Variants in GALNT2 observed in about 807,000 individuals in gnomAD.
GALNT2 encodes the protein polypeptide N-acetylgalactosaminyltransferase 2, also known as UDP-GalNAc:polypeptide N-acetylgalactosaminyltransferase 2.
Under a neutral mutation model 81.4 loss-of-function variants are expected in GALNT2, and 31 were observed. The ratio of observed to expected loss-of-function variants is 0.38; its 90% CI spans 0.29 to 0.51. GALNT2 has a LOEUF of 0.51. Among genes scored for constraint, GALNT2 ranks in the 20% least tolerant of loss-of-function variants. The pLI, the probability that GALNT2 is intolerant of heterozygous loss-of-function variation, is 0.87. For synonymous variants in GALNT2, 303 were observed against 287.4 expected, an observed-to-expected ratio of 1.05 and a Z score of -0.55; for missense variants, 629 against 765.7, an observed-to-expected ratio of 0.82 and a Z score of 2.11.
intron 1 of GALNT2, among the ~76,000 whole-genome samples, chr1:230,175,093 G>A (rs778595252): frequency 3.9e-5 from 6 of 152,202 alleles, no homozygotes; most frequent in Non-Finnish European, 7.3e-5. Context: ...AAGGCCTTCG[G>A]TAGGGGTGGA....
chr1:230,208,254 G>T (rs1169052555), intron 3 of GALNT2, among the ~76,000 whole-genome samples: 2 of 152,154 alleles, frequency 1.3e-5, no homozygotes, highest in East Asian at 3.9e-4. Flanking sequence ...GTGGTGAGAA[G>T]TGGTCTGGTG....
intron 14 of GALNT2, among the ~76,000 whole-genome samples, chr1:230,267,460 G>A (rs1666067156): frequency 6.6e-6 from 1 of 152,180 alleles, no homozygotes; most frequent in Non-Finnish European, 1.5e-5. Flanking sequence ...TGTGTGGCAG[G>A]ACTGCATGCC....
intron 1 of GALNT2, among the ~76,000 whole-genome samples, chr1:230,153,210 T>C (rs1662144404): frequency 6.6e-6 from 1 of 152,222 alleles, no homozygotes; most frequent in Non-Finnish European, 1.5e-5. Context: ...ACTATAGGCC[T>C]GAGCCACTGC....
intron 3 of GALNT2, among the ~76,000 whole-genome samples, chr1:230,221,071 A>G (rs10864732): frequency 0.57 from 86,524 of 152,100 alleles, 27,304 homozygotes; most frequent in East Asian, 0.9. Context: ...TCTGGTGAAC[A>G]TCCTTCCTAA....
intron 1 of GALNT2, among the ~76,000 whole-genome samples, chr1:230,094,520 C>T (rs1660188107): frequency 6.6e-6 from 1 of 152,100 alleles, no homozygotes; most frequent in Non-Finnish European, 1.5e-5. Context: ...CACCTGTAAT[C>T]CCAGCTACTT....
At position 230,149,482 on chromosome 1, in the gene GALNT2, A is replaced by G. The variant is rs540472174; in HGVS notation, c.127-28736A>G. Among the ~76,000 whole-genome samples the G allele has an allele frequency of 2.6e-5, 4 of 152,256 alleles. No homozygotes were observed. The South Asian group carries it at 8.3e-4, about 32-fold the overall frequency. The stretch of plus-strand genomic sequence containing the variant: ...TAGGTCTGGCGTTGAGGGCAGCAAG[A>G]TTTCTGCCTAAACATAGTCCTTCTC... On this transcript the variant is annotated intron_variant, in intron 1 of 15. Coordinates refer to ENST00000366672, the MANE Select transcript of GALNT2 (RefSeq NM_004481.5).
chr1:230,256,867 C>T (rs189655113), intron 11 of GALNT2, among the ~76,000 whole-genome samples: 9 of 152,182 alleles, frequency 5.9e-5, no homozygotes, highest in African/African-American at 1.9e-4. Context: ...GTCATGTGGT[C>T]GGGCATGATT....
At chr1:230,127,490 C>A (rs1485601158) in intron 1 of GALNT2, among the ~76,000 whole-genome samples, 3 of 152,100 alleles carry the variant, frequency 2.0e-5, no homozygotes, top group African/African-American at 7.2e-5. Context: ...ATTCTCCTGC[C>A]TCAGCCTCCC....
intron 1 of GALNT2, among the ~76,000 whole-genome samples, chr1:230,127,547 T>C (rs1013694121): frequency 5.9e-5 from 9 of 152,034 alleles, no homozygotes; most frequent in Middle Eastern, 3.2e-3. Flanking sequence ...AGCTAATTTT[T>C]GTATTTTTCG....
intron 1 of GALNT2, among the ~76,000 whole-genome samples, chr1:230,152,739 C>T (rs1200680784): frequency 6.6e-6 from 1 of 152,240 alleles, no homozygotes; most frequent in Non-Finnish European, 1.5e-5. Context: ...GAGTGGGACA[C>T]TCCTCAGCCT....
rs79553592 is a variant in GALNT2 at position 230,140,578 on chromosome 1, C to T, written c.127-37640C>T. Among the ~76,000 whole-genome samples, 622 of 152,318 alleles carry T rather than the reference C, an allele frequency of 4.1e-3. 2 individuals are homozygous for T. Among genetic ancestry groups the T allele is most frequent in the African/African-American group, 0.014 (592 of 41,562 alleles). On this transcript the variant is annotated intron_variant, in intron 1 of 15. Transcript: ENST00000366672. ...TGTCAGTGGTGCTCGGGAAACTTCCCCCTTCCTCCAGCCTGTGCTTCCTGG... is the reference window on the plus strand; with the variant it reads ...TGTCAGTGGTGCTCGGGAAACTTCCTCCTTCCTCCAGCCTGTGCTTCCTGG...
At chr1:230,158,045 A>G (rs1337069146) in intron 1 of GALNT2, among the ~76,000 whole-genome samples, 1 of 152,230 alleles carries the variant, frequency 6.6e-6, no homozygotes, top group East Asian at 1.9e-4. Context: ...ATCTTGTTGT[A>G]TGTGGAGAAC....
intron 14 of GALNT2, among the ~76,000 whole-genome samples, chr1:230,265,913 C>T (rs1666024758): frequency 6.6e-6 from 1 of 152,248 alleles, no homozygotes; most frequent in South Asian, 2.1e-4. Context: ...GCACAACCGC[C>T]AGGCGCCGTG....
intron 1 of GALNT2, among the ~76,000 whole-genome samples, chr1:230,083,045 A>C (rs911456523): frequency 6.7e-6 from 1 of 149,726 alleles, no homozygotes; most frequent in Admixed American, 6.6e-5. Context: ...GGAGGAGGGA[A>C]GCTGGGATGA....
intron 1 of GALNT2, among the ~76,000 whole-genome samples, chr1:230,084,635 AG>A (rs1659846134): frequency 6.6e-6 from 1 of 151,728 alleles, no homozygotes; most frequent in South Asian, 2.1e-4. Flanking sequence ...AGGGTTGTGG[AG>A]GGTCTGCCAC....
chr1:230,084,538 TC>T (rs1380989309), intron 1 of GALNT2, among the ~76,000 whole-genome samples: 6 of 151,986 alleles, frequency 3.9e-5, no homozygotes, highest in African/African-American at 1.5e-4. Context: ...CCCTGGCACT[TC>T]CTGTGTCTGG....
At chr1:230,078,966 G>A (rs187194181) in intron 1 of GALNT2, among the ~76,000 whole-genome samples, 5 of 152,264 alleles carry the variant, frequency 3.3e-5, no homozygotes, top group Admixed American at 2.0e-4. Flanking sequence ...GAGCCACTGC[G>A]TCCAGCCAGA....
intron 8 of GALNT2, among the ~76,000 whole-genome samples, chr1:230,246,480 A>T (rs1665374720): frequency 6.6e-6 from 1 of 152,122 alleles, no homozygotes; most frequent in Admixed American, 6.5e-5. Flanking sequence ...TGGGGTGAGA[A>T]GCTTCACGGA....
intron 1 of GALNT2, among the ~76,000 whole-genome samples, chr1:230,108,625 G>A (rs1439662618): frequency 6.6e-6 from 1 of 152,208 alleles, no homozygotes; most frequent in Non-Finnish European, 1.5e-5. Context: ...AGTCGAAAAT[G>A]CATTTGATAT....
Sources: allele counts gnomAD v4.1 joint callset (sites outside exome capture counted in the v4.1 genomes callset), GRCh38; gene constraint gnomAD v4.1.1; transcripts MANE v1.5; gene names NCBI Gene and HGNC (gene_info 2026-07-23, HGNC 2026-07-21).